Variants in COL6A1 observed in about 807,000 individuals in gnomAD.
The protein encoded by COL6A1 is collagen alpha-1(VI) chain.
COL6A1 carries 80 observed loss-of-function variants against 145.6 expected under a neutral mutation model. The observed-to-expected ratio is 0.55, with a 90% CI of 0.46 to 0.66. COL6A1 has a LOEUF of 0.66. COL6A1 is among the 30% of genes least tolerant of loss of function. The probability of loss-of-function intolerance (pLI) is 0.00; values close to 1 mark genes in which losing one functional copy is unlikely to be tolerated. For synonymous variants in COL6A1, 638 were observed against 622.8 expected, an observed-to-expected ratio of 1.02 and a Z score of -0.36; for missense variants, 1,364 against 1,473.8, an observed-to-expected ratio of 0.93 and a Z score of 1.22.
intron 20 of COL6A1, among the ~76,000 whole-genome samples, chr21:45,996,734 C>T (rs76758905): frequency 2.0e-5 from 3 of 152,142 alleles, no homozygotes; most frequent in Admixed American, 1.3e-4. Flanking sequence ...GGCTAGACTC[C>T]GAAGGGCAGG....
chr21:45,990,547 AGGGGAAGGAC>A (rs2077770502), intron 13 of COL6A1, 125 bp downstream of exon 13: 1 of 423,322 alleles, frequency 2.4e-6, no homozygotes, highest in Admixed American at 3.7e-5. Context: ...GAAGGTGACC[AGGGGAAGGAC>A]GGGGAGGGAC....
chr21:45,988,881 C>T (rs991080794), intron 8 of COL6A1, among the ~76,000 whole-genome samples: 1 of 152,112 alleles, frequency 6.6e-6, no homozygotes, highest in African/African-American at 2.4e-5. Flanking sequence ...GCCGAGCAGA[C>T]AGGAACGAAG....
rs1419663253 is a variant in COL6A1 at position 46,002,668 on chromosome 21, G to A, written c.2392G>A (p.Glu798Lys). Reference sequence around the variant, plus strand: ...CAAGGAGAACTATGCAGAGCTGCTGGAGGATGCCTTCCTGAAGAATGTCAC... The same window carrying A: ...CAAGGAGAACTATGCAGAGCTGCTGAAGGATGCCTTCCTGAAGAATGTCAC... ...LVKENYAELL[E>K]DAFLKNVTAQ... The change falls in exon 33 of 35, where the codon GAG (glutamate) becomes AAG (lysine). Residue 798 changes from glutamate to lysine, a missense_variant. Transcript: ENST00000361866. 1.9e-6 allele frequency: 3 copies of A among 1,613,736 alleles called. No individual in the cohort carries two copies. Among genetic ancestry groups the A allele is most frequent in the Non-Finnish European group, 2.5e-6 (3 of 1,179,968 alleles).
chr21:45,983,228 C>T (rs1217899737), intron 2 of COL6A1, among the ~76,000 whole-genome samples: 2 of 152,150 alleles, frequency 1.3e-5, no homozygotes, highest in Admixed American at 6.5e-5. Context: ...TGAAGGTCCC[C>T]GACTCGGGAG....
At chr21:46,002,129 G>A in intron 31 of COL6A1, 59 bp downstream of exon 31, 1 of 1,578,672 alleles carries the variant, frequency 6.3e-7, no homozygotes, top group Non-Finnish European at 8.6e-7. Context: ...TGTTCCCACG[G>A]CAGGTCGGCC....
chr21:45,985,320 A>G (rs1462455450), intron 3 of COL6A1, among the ~76,000 whole-genome samples: 2 of 151,960 alleles, frequency 1.3e-5, no homozygotes, highest in African/African-American at 4.8e-5. Context: ...AGACAGAGAG[A>G]TAGAAGCAGA....
At position 46,004,344 on chromosome 21, in the gene COL6A1, G is replaced by C; in HGVS notation, c.*331G>C. The C allele has an allele frequency of 2.3e-6, 1 of 435,110 alleles. No homozygotes were observed. Among genetic ancestry groups the C allele is most frequent in the African/African-American group, 2.0e-5 (1 of 50,004 alleles). 27.0% of individuals were successfully genotyped at this position (435,110 alleles called of 1,614,324 possible). A position where few individuals can be genotyped will look rare whatever the true frequency, so the allele number is the denominator to read the frequency against. The stretch of plus-strand genomic sequence containing the variant: ...TCAGCCCTGAGCTGGCCTCACCTGG[G>C]TTCCCCACCCCGGGCTCTCCTGCCC... On this transcript the variant is annotated 3_prime_UTR_variant, in exon 35 of 35. Coordinates refer to ENST00000361866, the MANE Select transcript of COL6A1 (RefSeq NM_001848.3).
At chr21:45,997,893 C>A (rs2077815372) in intron 22 of COL6A1, 131 bp downstream of exon 22, 7 of 1,163,566 alleles carry the variant, frequency 6.0e-6, no homozygotes, top group African/African-American at 1.5e-5. Context: ...ATCACTGGCT[C>A]CTGGCCACAG....
intron 8 of COL6A1, among the ~76,000 whole-genome samples, chr21:45,988,559 G>C (rs561172149): frequency 1.3e-5 from 2 of 152,252 alleles, no homozygotes; most frequent in Non-Finnish European, 2.9e-5. Context: ...GCTTCTGAGG[G>C]TGTCTCTGTC....
Position 45,992,077 on chromosome 21 carries a change from G to A in COL6A1, c.1182+5G>A. 6.2e-7 allele frequency: 1 copy of A among 1,612,964 alleles called. No homozygotes were observed. The highest frequency in any genetic ancestry group is 8.5e-7 in the Non-Finnish European group (1 of 1,179,764). ...TCGGGACCATCTGGAGACGAGGTGA[G>A]GAGCTTCACAGCCCCCACACATGCC... is the stretch of plus-strand genomic sequence containing the variant. On this transcript the variant is annotated splice_donor_5th_base_variant and intron_variant, in intron 16 of 34. Coordinates refer to ENST00000361866, the MANE Select transcript of COL6A1 (RefSeq NM_001848.3).
chr21:45,994,363 G>A lies in COL6A1; in HGVS notation c.1398+134G>A. On this transcript the variant is annotated intron_variant, in intron 20 of 34. Coordinates refer to ENST00000361866, the MANE Select transcript of COL6A1 (RefSeq NM_001848.3). This position sits in a 1 kb window ranked among gnomAD's most constrained non-coding sequence, Gnocchi z 6.8. ...CTGTGTTTCCGTAGATCTCGGGGGT[G>A]TCCCTGCGTGGGAGCCGGCTGCAGG... 1 of 920,112 alleles carries A rather than the reference G, an allele frequency of 1.1e-6. No homozygotes were observed. The highest frequency in any genetic ancestry group is 1.7e-6 in the Non-Finnish European group (1 of 588,526). 57.0% of individuals were successfully genotyped at this position (920,112 alleles called of 1,614,324 possible). A position where few individuals can be genotyped will look rare whatever the true frequency, so the allele number is the denominator to read the frequency against.
At chr21:45,988,445 G>T (rs1461042454) in intron 8 of COL6A1, among the ~76,000 whole-genome samples, 1 of 144,572 alleles carries the variant, frequency 6.9e-6, no homozygotes, top group Non-Finnish European at 1.5e-5. Flanking sequence ...GGGGACGGCG[G>T]GGTCCAGATG....
chr21:45,986,598 A>G lies in COL6A1; in HGVS notation c.501A>G (p.Glu167=), dbSNP rs200132623. The G allele has an allele frequency of 6.4e-7, 1 of 1,560,438 alleles. No individual in the cohort carries two copies. Among genetic ancestry groups the G allele is most frequent in the Non-Finnish European group, 8.7e-7 (1 of 1,152,860 alleles). Reference sequence around the variant, plus strand: ...GGCACCCCCTGGAGGGCTACAAGGAACCCTGTGGGGGGCTGGAGGATGCTG... The same window carrying G: ...GGCACCCCCTGGAGGGCTACAAGGAGCCCTGTGGGGGGCTGGAGGATGCTG... ...TDGHPLEGYK[E]PCGGLEDAVN... is the part of the protein sequence containing the mutation. Residue 167 remains glutamate (E), a synonymous_variant, in exon 4 of 35, where the codon GAA becomes GAG. Transcript: ENST00000361866.
Position 45,989,671 on chromosome 21 carries a change from C to T in COL6A1, c.903+19C>T. On this transcript the variant is annotated intron_variant, in intron 10 of 34. Transcript: ENST00000361866. ...AATGAAGGTACGTGCCCCCCCTTTC[C>T]TGGCCCGAGCCCGGTGGTGCCCTCA... The T allele has an allele frequency of 1.2e-6, 2 of 1,613,190 alleles. No individual in the cohort carries two copies. The highest frequency in any genetic ancestry group is 1.7e-6 in the Non-Finnish European group (2 of 1,179,996).
chr21:45,998,110 T>A lies in COL6A1; in HGVS notation c.1525-11T>A. On this transcript the variant is annotated splice_polypyrimidine_tract_variant and intron_variant, in intron 22 of 34. Coordinates refer to ENST00000361866, the MANE Select transcript of COL6A1 (RefSeq NM_001848.3). Reference sequence around the variant, plus strand: ...CCGATTCGCACGGTGACGGCTACTCTGCTCCCCCAGGGAGAAGACGGCCCC... The same window carrying A: ...CCGATTCGCACGGTGACGGCTACTCAGCTCCCCCAGGGAGAAGACGGCCCC... 6.2e-7 allele frequency: 1 copy of A among 1,611,762 alleles called. No homozygotes were observed. The highest frequency in any genetic ancestry group is 8.5e-7 in the Non-Finnish European group (1 of 1,179,580).
chr21:46,000,049 GA>G (rs2077834158), intron 27 of COL6A1, among the ~76,000 whole-genome samples: 1 of 124,172 alleles, frequency 8.1e-6, no homozygotes. Context: ...CATGGGGGGG[GA>G]CGTGTGAGGA....
In COL6A1 at chr21:46,002,532, C is replaced by G. The variant is rs749698686; in HGVS notation, c.2256C>G (p.Val752=). ...NVLCSPGIQV[V]SVGIKDVFDF... ...GATACTGTCTGTCCCCACAGGTGGT[C>G]TCCGTGGGCATCAAAGACGTGTTTG... The change falls in exon 33 of 35, where the codon GTC becomes GTG. Residue 752 remains valine (V), a synonymous_variant. Transcript: ENST00000361866. The G allele has an allele frequency of 6.2e-7, 1 of 1,613,572 alleles. No individual in the cohort carries two copies. The highest frequency in any genetic ancestry group is 1.7e-5 in the Admixed American group (1 of 60,012).
At chr21:46,000,007 C>A (rs77813537) in intron 27 of COL6A1, among the ~76,000 whole-genome samples, 198 of 2,388 alleles carry the variant, frequency 0.083, 7 homozygotes, top group African/African-American at 0.21. Context: ...CATGGGGGAC[C>A]CGTGAGGATC....
chr21:45,997,493 A>T lies in COL6A1; in HGVS notation c.1461+10A>T, dbSNP rs991606602. ...TCCCCCAGGGTCCGAGGTGAGTCCC[A>T]CTCCCCACCCACACCCGCCCACCCA... On this transcript the variant is annotated intron_variant, in intron 21 of 34. Coordinates refer to ENST00000361866, the MANE Select transcript of COL6A1 (RefSeq NM_001848.3). The T allele has an allele frequency of 6.3e-7, 1 of 1,593,144 alleles. No individual in the cohort carries two copies. Among genetic ancestry groups the T allele is most frequent in the Non-Finnish European group, 8.5e-7 (1 of 1,173,650 alleles).
Sources: allele counts gnomAD v4.1 joint callset (sites outside exome capture counted in the v4.1 genomes callset), GRCh38; gene constraint gnomAD v4.1.1; non-coding constraint Gnocchi (gnomAD v3.1); transcripts MANE v1.5; gene names NCBI Gene and HGNC (gene_info 2026-07-23, HGNC 2026-07-21).